RANBP3: variants seen among roughly 807,000 people sequenced by gnomAD.
The protein encoded by RANBP3 is ran-binding protein 3.
RANBP3 carries 14 observed loss-of-function variants against 77.3 expected under a neutral mutation model. The observed-to-expected ratio is 0.18, with a 90% CI of 0.12 to 0.28. The LOEUF (loss-of-function observed/expected upper bound fraction) is 0.28. Ranked by LOEUF, RANBP3 falls within the 10% of genes least tolerant of loss-of-function variation. RANBP3 has a pLI of 1.00. For missense variants in RANBP3, 586 were observed against 752.3 expected, an observed-to-expected ratio of 0.78 and a Z score of 2.59; for synonymous variants, 315 against 312.4, an observed-to-expected ratio of 1.01 and a Z score of -0.09.
rs2057827199 is a variant in RANBP3, at chr19:5,921,977, T to C, written c.1210-656A>G. 6.6e-6 allele frequency among the ~76,000 whole-genome samples: 1 copy of C among 152,152 alleles called. No homozygotes were observed. Among genetic ancestry groups the C allele is most frequent in the Non-Finnish European group, 1.5e-5 (1 of 68,030 alleles). On this transcript the variant is annotated intron_variant, in intron 13 of 16. Transcript: ENST00000340578. The surrounding 1 kb of genome is among the most constrained non-coding windows in gnomAD (Gnocchi z 5.3). ...ACATAGTGCGTTGATGCCATTTATA[T>C]GAAATGTCAAGGACAGGCAAAAAAC...
At chr19:5,977,761 C>G (rs940283564) in intron 1 of RANBP3, among the ~76,000 whole-genome samples, 1 of 152,214 alleles carries the variant, frequency 6.6e-6, no homozygotes, top group Non-Finnish European at 1.5e-5. Context: ...GCCTCCCGCC[C>G]CCTTCAGCCC....
chr19:5,977,606 G>T (rs2058610335), intron 1 of RANBP3, among the ~76,000 whole-genome samples: 1 of 152,092 alleles, frequency 6.6e-6, no homozygotes, highest in African/African-American at 2.4e-5. Context: ...AGGGCCTCAC[G>T]GGCTTAGGAG....
intron 5 of RANBP3, among the ~76,000 whole-genome samples, chr19:5,936,321 C>A (rs1420341075): frequency 6.6e-6 from 1 of 152,208 alleles, no homozygotes; most frequent in East Asian, 1.9e-4. Context: ...AGGGAGGCAC[C>A]CACGTGCCCC....
intron 8 of RANBP3, among the ~76,000 whole-genome samples, chr19:5,929,250 G>A (rs767392086): frequency 3.1e-4 from 47 of 152,240 alleles, no homozygotes; most frequent in Non-Finnish European, 5.7e-4. Flanking sequence ...AAGAGTGAAC[G>A]TGGCTTTTTA....
intron 5 of RANBP3, 36 bp downstream of exon 5, chr19:5,941,585 A>G: frequency 3.9e-6 from 6 of 1,549,300 alleles, no homozygotes; most frequent in Non-Finnish European, 5.3e-6. Context: ...TGTAAGCATA[A>G]ACGCTTTCAC....
chr19:5,956,080 C>G (rs1267346411), intron 2 of RANBP3, among the ~76,000 whole-genome samples: 1 of 152,086 alleles, frequency 6.6e-6, no homozygotes, highest in Non-Finnish European at 1.5e-5. Context: ...GCACTCCAGC[C>G]TAGGCCAAAG....
chr19:5,956,981 C>T (rs1301527065), intron 2 of RANBP3, among the ~76,000 whole-genome samples: 2 of 151,914 alleles, frequency 1.3e-5, no homozygotes, highest in East Asian at 1.9e-4. Flanking sequence ...GGAGTGCCGC[C>T]GCTGGGCATC....
intron 7 of RANBP3, 54 bp downstream of exon 7, chr19:5,932,398 G>C (rs888392742): frequency 2.0e-6 from 3 of 1,484,842 alleles, no homozygotes; most frequent in Admixed American, 1.8e-5. Flanking sequence ...GTGCGACTTC[G>C]GGAACGCTCT....
chr19:5,965,520 G>C (rs1264854678), intron 1 of RANBP3, among the ~76,000 whole-genome samples: 1 of 152,208 alleles, frequency 6.6e-6, no homozygotes, highest in Admixed American at 6.5e-5. Flanking sequence ...TTCAGAGGCA[G>C]CAAGGAGGGG....
At chr19:5,977,927 G>A (rs1599818314) in intron 1 of RANBP3, 134 bp downstream of exon 1, 1 of 1,188,970 alleles carries the variant, frequency 8.4e-7, no homozygotes, top group South Asian at 1.7e-5. Context: ...CGGCTGCAAG[G>A]CCCGCCACGG....
chr19:5,937,786 G>T (rs1312953598), intron 5 of RANBP3, among the ~76,000 whole-genome samples: 1 of 152,194 alleles, frequency 6.6e-6, no homozygotes, highest in Non-Finnish European at 1.5e-5. Flanking sequence ...GGCTGGAGGG[G>T]AAAGGTCTGT....
intron 3 of RANBP3, among the ~76,000 whole-genome samples, chr19:5,942,738 G>T (rs1159946338): frequency 6.6e-6 from 1 of 150,918 alleles, no homozygotes; most frequent in East Asian, 2.0e-4. Flanking sequence ...ACTTAAAATG[G>T]ACTGGGTGCA....
At chr19:5,922,925 G>GT (rs1408672406) in intron 13 of RANBP3, among the ~76,000 whole-genome samples, 1 of 152,230 alleles carries the variant, frequency 6.6e-6, no homozygotes, top group Non-Finnish European at 1.5e-5. Flanking sequence ...GGGTGACAGA[G>GT]TAAGACATTG....
In RANBP3 at chr19:5,921,392, G is replaced by A. The variant is rs562586541; in HGVS notation, c.1210-71C>T. ...CTGCTGCAGCCACACCCTGAGAGTC[G>A]CCCTTTAGCCTGTGGGGACTGCCAG... On this transcript the variant is annotated intron_variant, in intron 13 of 16. Transcript: ENST00000340578. This position sits in a 1 kb window ranked among gnomAD's most constrained non-coding sequence, Gnocchi z 5.3. The A allele has an allele frequency of 3.0e-5, 47 of 1,577,084 alleles. No homozygotes were observed. In the East Asian group the frequency reaches 5.5e-4, roughly 18 times the overall value.
At chr19:5,955,298 G>T (rs1183543817) in intron 2 of RANBP3, among the ~76,000 whole-genome samples, 2 of 152,022 alleles carry the variant, frequency 1.3e-5, no homozygotes, top group Non-Finnish European at 2.9e-5. Flanking sequence ...AGTAGAGATG[G>T]GGTTTCACCA....
At position 5,932,462 on chromosome 19, in the gene RANBP3, C is replaced by T. The variant is rs1360205366; in HGVS notation, c.555G>A (p.Leu185=). Residue 185 remains leucine, a synonymous_variant, in exon 7 of 17, where the codon CTG becomes CTA. Transcript: ENST00000340578. Reference sequence around the variant, plus strand: ...GCTGCTGTTTCTTACCAGTCTGGGACAGCGCCTTTGGCTGCGGAGCTTGTA... The same window carrying T: ...GCTGCTGTTTCTTACCAGTCTGGGATAGCGCCTTTGGCTGCGGAGCTTGTA... ...AVLQAPQPKA[L]SQTVPSSGTN... 1 of 1,613,738 alleles carries T rather than the reference C, an allele frequency of 6.2e-7. No homozygotes were observed. Among genetic ancestry groups the T allele is most frequent in the Non-Finnish European group, 8.5e-7 (1 of 1,179,970 alleles).
intron 1 of RANBP3, among the ~76,000 whole-genome samples, chr19:5,961,556 A>C (rs2058402342): frequency 6.6e-6 from 1 of 152,044 alleles, no homozygotes; most frequent in Admixed American, 6.5e-5. Context: ...AACATGGAGA[A>C]ACCCCTTCTC....
intron 12 of RANBP3, among the ~76,000 whole-genome samples, chr19:5,923,596 C>G (rs1015181540): frequency 1.3e-5 from 2 of 152,224 alleles, no homozygotes; most frequent in African/African-American, 4.8e-5. Flanking sequence ...TGCGCCTCCC[C>G]ACCCTCCCCA....
Position 5,959,074 on chromosome 19 carries a change from G to A in RANBP3, c.23-1101C>T, listed in dbSNP as rs1424876368. ...TGACCTGGTCTGCTCTGGAGTCCAGGGGAGGTCCCTGAGAAGAGGGGGCTG... is the reference window on the plus strand; with the variant it reads ...TGACCTGGTCTGCTCTGGAGTCCAGAGGAGGTCCCTGAGAAGAGGGGGCTG... On this transcript the variant is annotated intron_variant, in intron 1 of 16. Transcript: ENST00000340578. This position sits in a 1 kb window ranked among gnomAD's most constrained non-coding sequence, Gnocchi z 5.1. Among the ~76,000 whole-genome samples the A allele has an allele frequency of 6.6e-6, 1 of 152,192 alleles. No homozygotes were observed. Among genetic ancestry groups the A allele is most frequent in the Non-Finnish European group, 1.5e-5 (1 of 68,040 alleles).
Sources: gnomAD v4.1 joint callset for allele counts (sites outside exome capture counted in the v4.1 genomes callset) on GRCh38, gnomAD v4.1.1 for gene constraint, Gnocchi (gnomAD v3.1) non-coding constraint, MANE v1.5 for transcripts, NCBI Gene and HGNC (gene_info 2026-07-23, HGNC 2026-07-21) for gene names.